Variants in VPS45 observed in about 807,000 individuals in gnomAD.
The protein encoded by VPS45 is vacuolar protein sorting 45 homolog, also known as vacuolar protein sorting-associated protein 45.
A neutral mutation model predicts 75.9 loss-of-function variants in VPS45; 35 were observed. The observed-to-expected ratio is 0.46, with a 90% CI of 0.35 to 0.61. The LOEUF is 0.61. VPS45 is among the 20% of genes least tolerant of loss of function. The pLI is 0.00. For missense variants in VPS45, 559 were observed against 685.9 expected (o/e 0.81, Z 2.07); for synonymous variants, 220 against 238.2 (o/e 0.92, Z 0.70).
intron 13 of VPS45, among the ~76,000 whole-genome samples, chr1:150,106,009 A>T (rs1430564529): frequency 1.3e-5 from 2 of 152,192 alleles, no homozygotes; most frequent in Non-Finnish European, 2.9e-5. Context: ...ATGGGGAAAG[A>T]ACACCCCACT....
In VPS45 at chr1:150,094,993, A is replaced by G. The variant is rs149694116; in HGVS notation, c.1493+1345A>G. The stretch of plus-strand genomic sequence containing the variant: ...TCAACATCTGTTACCATTTGTCACT[A>G]TAACCTAAGTATGCATATAGTTAAT... On this transcript the variant is annotated intron_variant, in intron 13 of 14. Coordinates refer to ENST00000644510, the MANE Select transcript of VPS45 (RefSeq NM_007259.5). Among the ~76,000 whole-genome samples, 657 of 152,330 alleles carry G rather than the reference A, an allele frequency of 4.3e-3. 2 individuals carry two copies. Among genetic ancestry groups the G allele is most frequent in the Middle Eastern group, 0.034 (10 of 294 alleles).
intron 14 of VPS45, among the ~76,000 whole-genome samples, chr1:150,127,097 A>G (rs1024947615): frequency 4.7e-4 from 71 of 152,342 alleles, no homozygotes; most frequent in African/African-American, 1.7e-3. Flanking sequence ...ACTTAACCAA[A>G]TTTTAAAGAC....
rs199704541 is a variant in VPS45, at chr1:150,110,473, T to C, written c.1494-23T>C. 4.0e-5 allele frequency: 64 copies of C among 1,593,880 alleles called. No individual in the cohort carries two copies. The East Asian group carries it at 1.4e-3, about 35-fold the overall frequency. ...CTTTTTTTTTCTTATCCTGTGATAATATCTCATTCTTCATTATTGCAGACC... is the reference window on the plus strand; with the variant it reads ...CTTTTTTTTTCTTATCCTGTGATAACATCTCATTCTTCATTATTGCAGACC... On this transcript the variant is annotated intron_variant, in intron 13 of 14. Transcript: ENST00000644510.
chr1:150,101,490 C>G (rs1354638342), intron 13 of VPS45, among the ~76,000 whole-genome samples: 1 of 151,884 alleles, frequency 6.6e-6, no homozygotes, highest in Non-Finnish European at 1.5e-5. Context: ...AATCCCAGCA[C>G]TTTGGGAGGC....
intron 10 of VPS45, among the ~76,000 whole-genome samples, chr1:150,088,205 C>A (rs1656115269): frequency 6.6e-6 from 1 of 151,982 alleles, no homozygotes; most frequent in Admixed American, 6.6e-5. Flanking sequence ...TACCTATTAA[C>A]CAATTTCTAA....
At chr1:150,072,070 G>C in intron 2 of VPS45, 96 bp from the exon 3 acceptor site, 1 of 1,008,120 alleles carries the variant, frequency 9.9e-7, no homozygotes, top group Non-Finnish European at 1.5e-6. Context: ...ATATGCAGTA[G>C]ACGCAGTAAA....
chr1:150,107,013 A>G (rs782478372), intron 13 of VPS45, among the ~76,000 whole-genome samples: 3 of 150,048 alleles, frequency 2.0e-5, no homozygotes, highest in African/African-American at 4.9e-5. Flanking sequence ...TTGGGCCTCA[A>G]CCTCTCCCTT....
intron 14 of VPS45, among the ~76,000 whole-genome samples, chr1:150,134,899 G>T (rs935428391): frequency 7.9e-5 from 12 of 152,304 alleles, no homozygotes; most frequent in East Asian, 3.9e-4. Flanking sequence ...AGAATATTAT[G>T]ATTATATTGT....
intron 1 of VPS45, 139 bp from the exon 2 acceptor site, chr1:150,068,491 T>C: frequency 1.4e-6 from 1 of 717,252 alleles, no homozygotes; most frequent in Non-Finnish European, 2.0e-6. Flanking sequence ...CCTACCTGTT[T>C]GGATGTTCAG....
rs587644535 is a variant in VPS45 at position 150,142,814 on chromosome 1, G to A, written c.1626-1895G>A. The stretch of plus-strand genomic sequence containing the variant: ...CAAGTAGCTGGGACTACAGGCACCT[G>A]TCTAATTTTTGTATTTTTTATAGAG... On this transcript the variant is annotated intron_variant, in intron 14 of 14. Coordinates refer to ENST00000644510, the MANE Select transcript of VPS45 (RefSeq NM_007259.5). 29 of 447,610 alleles carry A rather than the reference G, an allele frequency of 6.5e-5. 1 individual carries two copies. The highest frequency in any genetic ancestry group is 4.4e-4 in the African/African-American group (22 of 49,796). 27.7% of individuals were successfully genotyped at this position (447,610 alleles called of 1,614,324 possible).
chr1:150,097,483 G>T (rs1423761946), intron 13 of VPS45, among the ~76,000 whole-genome samples: 2 of 151,608 alleles, frequency 1.3e-5, no homozygotes, highest in East Asian at 4.0e-4. Flanking sequence ...ACTTTGGGAG[G>T]CCGAGCGGGC....
chr1:150,140,386 G>GGTTGTGTGTGTGT (rs1247879886), intron 14 of VPS45, among the ~76,000 whole-genome samples: 3 of 140,346 alleles, frequency 2.1e-5, no homozygotes, highest in African/African-American at 8.1e-5. Flanking sequence ...CATCACTTCT[G>GGTTGTGTGTGTGT]GTGTGTGTGT....
intron 7 of VPS45, among the ~76,000 whole-genome samples, chr1:150,080,907 G>A (rs1375195038): frequency 6.6e-6 from 1 of 152,132 alleles, no homozygotes; most frequent in Non-Finnish European, 1.5e-5. Flanking sequence ...GACAAATATA[G>A]TACCACTCAG....
chr1:150,121,304 A>G (rs1658218801), intron 14 of VPS45, among the ~76,000 whole-genome samples: 1 of 152,204 alleles, frequency 6.6e-6, no homozygotes, highest in Non-Finnish European at 1.5e-5. Flanking sequence ...CAGAAATAAA[A>G]TGTAGTAACC....
intron 1 of VPS45, 68 bp from the exon 2 acceptor site, chr1:150,068,562 G>A: frequency 2.2e-6 from 3 of 1,367,954 alleles, no homozygotes; most frequent in Non-Finnish European, 2.9e-6. Flanking sequence ...AAAAAAGAGG[G>A]TTAGATGTGC....
At chr1:150,133,622 T>G (rs1658936162) in intron 14 of VPS45, among the ~76,000 whole-genome samples, 1 of 152,148 alleles carries the variant, frequency 6.6e-6, no homozygotes, top group African/African-American at 2.4e-5. Context: ...TATTTGGGGC[T>G]TCGTTTCTTG....
intron 14 of VPS45, among the ~76,000 whole-genome samples, chr1:150,131,880 G>A (rs1553812479): frequency 6.6e-6 from 1 of 151,988 alleles, no homozygotes; most frequent in African/African-American, 2.4e-5. Flanking sequence ...CAATGTGTGT[G>A]GAGAAGGTCA....
In VPS45 at chr1:150,087,058, C is replaced by A. The variant is rs920224331; in HGVS notation, c.1104+4175C>A. On this transcript the variant is annotated intron_variant, in intron 10 of 14. Coordinates refer to ENST00000644510, the MANE Select transcript of VPS45 (RefSeq NM_007259.5). The stretch of plus-strand genomic sequence containing the variant: ...AAATGTGTGTATGTCATAATGATTT[C>A]TTCTTGCTGTGCTGCTTTATCATAG... Among the ~76,000 whole-genome samples the A allele has an allele frequency of 1.3e-4, 19 of 151,636 alleles. No homozygotes were observed. In the East Asian group the frequency reaches 2.7e-3, roughly 22 times the overall value.
At chr1:150,115,330 C>T (rs924543484) in intron 14 of VPS45, among the ~76,000 whole-genome samples, 1 of 152,146 alleles carries the variant, frequency 6.6e-6, no homozygotes, top group Non-Finnish European at 1.5e-5. Context: ...AATTTGTCTA[C>T]TAAGTCCACT....
Sources: gnomAD v4.1 joint callset for allele counts (sites outside exome capture counted in the v4.1 genomes callset) on GRCh38, gnomAD v4.1.1 for gene constraint, MANE v1.5 for transcripts, NCBI Gene and HGNC (gene_info 2026-07-23, HGNC 2026-07-21) for gene names.